SLC13A1: variants seen among roughly 807,000 people sequenced by gnomAD.
SLC13A1 encodes Na(+)/sulfate cotransporter.
In SLC13A1, 65 loss-of-function variants were observed where a neutral mutation model predicts 70.0. That is an observed-to-expected ratio of 0.93 (90% CI 0.76 to 1.14). The LOEUF (loss-of-function observed/expected upper bound fraction) is 1.14. SLC13A1 is among the 50% of genes most tolerant of loss of function. The pLI is 0.00. For missense variants in SLC13A1, 726 were observed against 717.8 expected (o/e 1.01, Z -0.13); for synonymous variants, 275 against 250.5 (o/e 1.10, Z -0.92).
chr7:123,134,013 G>C (rs1033208487), intron 8 of SLC13A1, among the ~76,000 whole-genome samples: 3 of 151,816 alleles, frequency 2.0e-5, no homozygotes, highest in African/African-American at 7.3e-5. Flanking sequence ...GGTCCTTTTA[G>C]GGGGGAGGTT....
intron 2 of SLC13A1, among the ~76,000 whole-genome samples, chr7:123,177,373 C>A (rs1482913126): frequency 6.6e-6 from 1 of 152,144 alleles, no homozygotes; most frequent in African/African-American, 2.4e-5. Context: ...CTACCTGTCT[C>A]TTTCTTTCTG....
At chr7:123,173,648 G>A (rs911731872) in intron 2 of SLC13A1, among the ~76,000 whole-genome samples, 2 of 152,020 alleles carry the variant, frequency 1.3e-5, no homozygotes, top group South Asian at 2.1e-4. Context: ...GTTTGTTTAC[G>A]TGCTTATTGT....
intron 1 of SLC13A1, among the ~76,000 whole-genome samples, chr7:123,192,846 G>A (rs1268458058): frequency 1.3e-5 from 2 of 152,184 alleles, no homozygotes; most frequent in East Asian, 3.9e-4. Context: ...CCTCATTTTG[G>A]AAGATGGATA....
At chr7:123,176,948 C>T (rs955190957) in intron 2 of SLC13A1, among the ~76,000 whole-genome samples, 1 of 152,132 alleles carries the variant, frequency 6.6e-6, no homozygotes, top group African/African-American at 2.4e-5. Context: ...AGTCTTAGGG[C>T]TTTAAATACC....
intron 1 of SLC13A1, among the ~76,000 whole-genome samples, chr7:123,183,272 G>A (rs1280615144): frequency 3.3e-5 from 5 of 152,126 alleles, no homozygotes; most frequent in African/African-American, 9.7e-5. Flanking sequence ...TTTGAGTCAA[G>A]ATTTACAAAT....
At chr7:123,130,804 A>G (rs982716634) in intron 8 of SLC13A1, among the ~76,000 whole-genome samples, 1 of 152,144 alleles carries the variant, frequency 6.6e-6, no homozygotes, top group Non-Finnish European at 1.5e-5. Flanking sequence ...CCCACAACAT[A>G]ATTTTCCTGT....
intron 7 of SLC13A1, among the ~76,000 whole-genome samples, chr7:123,138,752 T>C (rs1401491628): frequency 3.9e-5 from 6 of 152,178 alleles, no homozygotes; most frequent in African/African-American, 9.6e-5. Flanking sequence ...TGCCCATTTT[T>C]AATTGTATTA....
intron 1 of SLC13A1, among the ~76,000 whole-genome samples, chr7:123,196,469 G>T (rs1214000116): frequency 1.6e-4 from 25 of 152,028 alleles, no homozygotes; most frequent in Non-Finnish European, 1.2e-4. Flanking sequence ...ACAGAAGTTG[G>T]TTGGAAAAAT....
chr7:123,129,359 TGTGTGTGTGTG>T lies in SLC13A1; in HGVS notation c.1031+13_1031+23del. ...GTGTGTGTGTGTGTGTGTGTGTGTG[TGTGTGTGTGTG>T]TGTTTGTCTTACCTTATTGGCCCAA... On this transcript the variant is annotated intron_variant, in intron 9 of 14. Coordinates refer to ENST00000194130, the MANE Select transcript of SLC13A1 (RefSeq NM_022444.4). The T allele has an allele frequency of 8.4e-7, 1 of 1,193,372 alleles. No individual in the cohort carries two copies. The highest frequency in any genetic ancestry group is 2.0e-5 in the Admixed American group (1 of 50,494). 73.9% of individuals were successfully genotyped at this position (1,193,372 alleles called of 1,614,324 possible).
intron 1 of SLC13A1, among the ~76,000 whole-genome samples, chr7:123,193,972 C>A (rs1241620697): frequency 6.6e-6 from 1 of 152,112 alleles, no homozygotes; most frequent in Non-Finnish European, 1.5e-5. Context: ...TCCTTCCTAT[C>A]AGGTCCAAAG....
intron 8 of SLC13A1, among the ~76,000 whole-genome samples, chr7:123,132,568 C>T (rs191424703): frequency 2.0e-5 from 3 of 152,204 alleles, no homozygotes; most frequent in Admixed American, 6.5e-5. Flanking sequence ...GAAGGGGTTT[C>T]ACAATGTTGG....
At chr7:123,168,037 A>G (rs2116538550) in intron 6 of SLC13A1, among the ~76,000 whole-genome samples, 1 of 152,252 alleles carries the variant, frequency 6.6e-6, no homozygotes, top group South Asian at 2.1e-4. Flanking sequence ...TGTACCCCTG[A>G]AACTAAAATA....
chr7:123,178,471 T>C (rs928021227), intron 2 of SLC13A1, among the ~76,000 whole-genome samples: 7 of 152,186 alleles, frequency 4.6e-5, no homozygotes, highest in Non-Finnish European at 1.0e-4. Context: ...GAATGCTTGA[T>C]ACTTAGTTTG....
chr7:123,119,418 T>C (rs1343018805), intron 12 of SLC13A1, among the ~76,000 whole-genome samples, 176 bp from the exon 13 acceptor site: 1 of 152,052 alleles, frequency 6.6e-6, no homozygotes, highest in Non-Finnish European at 1.5e-5. Flanking sequence ...GAAGGAGCTA[T>C]TGCTTAGTCT....
chr7:123,139,097 G>T (rs913342651), intron 7 of SLC13A1, among the ~76,000 whole-genome samples: 3 of 152,016 alleles, frequency 2.0e-5, no homozygotes, highest in Admixed American at 6.6e-5. Flanking sequence ...TTTGTTTATG[G>T]CAAGAAATAA....
At chr7:123,184,419 G>T (rs1795734015) in intron 1 of SLC13A1, among the ~76,000 whole-genome samples, 1 of 151,904 alleles carries the variant, frequency 6.6e-6, no homozygotes, top group Non-Finnish European at 1.5e-5. Flanking sequence ...CCTGACACCT[G>T]ATCTCCCCAG....
intron 3 of SLC13A1, among the ~76,000 whole-genome samples, 188 bp from the exon 4 acceptor site, chr7:123,169,523 A>G (rs1263181387): frequency 2.0e-5 from 3 of 152,208 alleles, no homozygotes; most frequent in Non-Finnish European, 4.4e-5. Flanking sequence ...AATCAAAGCC[A>G]TATATGTAAA....
chr7:123,149,698 T>C (rs1348379403), intron 6 of SLC13A1: 2 of 444,144 alleles, frequency 4.5e-6, no homozygotes, highest in East Asian at 7.0e-5. Context: ...AGTATCATTT[T>C]ACCATCCTGG....
chr7:123,189,924 C>A (rs909297981), intron 1 of SLC13A1, among the ~76,000 whole-genome samples: 3 of 151,844 alleles, frequency 2.0e-5, no homozygotes, highest in Admixed American at 1.3e-4. Context: ...GAGAGCTCAT[C>A]TTTTTTAAAA....
Sources: allele counts gnomAD v4.1 joint callset (sites outside exome capture counted in the v4.1 genomes callset), GRCh38; gene constraint gnomAD v4.1.1; transcripts MANE v1.5; gene names NCBI Gene and HGNC (gene_info 2026-07-23, HGNC 2026-07-21).